LAMA5: variants seen among roughly 807,000 people sequenced by gnomAD.
LAMA5 encodes the protein laminin subunit alpha 5, also known as laminin subunit alpha-5.
LAMA5 carries 260 observed loss-of-function variants against 433.4 expected under a neutral mutation model. The observed-to-expected ratio is 0.60, with a 90% CI of 0.54 to 0.66. The LOEUF (loss-of-function observed/expected upper bound fraction) is 0.66, where lower values mean the gene tolerates loss of function less well. Ranked by LOEUF, LAMA5 falls within the 30% of genes least tolerant of loss-of-function variation. LAMA5 has a pLI of 0.00. For synonymous variants in LAMA5, 2,620 were observed against 2,226.6 expected, an observed-to-expected ratio of 1.18 and a Z score of -4.97; for missense variants, 5,378 against 5,258.5, an observed-to-expected ratio of 1.02 and a Z score of -0.70.
chr20:62,321,744 C>T lies in LAMA5; in HGVS notation c.6496+275G>A, dbSNP rs1213495260. 2.3e-4 allele frequency among the ~76,000 whole-genome samples: 9 copies of T among 38,964 alleles called. No homozygotes were observed. The South Asian group carries it at 5.1e-3, about 22-fold the overall frequency. 25.6% of individuals were successfully genotyped at this position (38,964 alleles called of 152,430 possible). A position where few individuals can be genotyped will look rare whatever the true frequency, so the allele number is the denominator to read the frequency against. On this transcript the variant is annotated intron_variant, in intron 48 of 79. Transcript: ENST00000252999. ...GGTGGGGTCAGTGGAGGGGTGGGGC[C>T]AGTGGAGGGGTGGGGTCAGTGGGGG... is the stretch of plus-strand genomic sequence containing the variant.
chr20:62,351,839 C>G, intron 5 of LAMA5, 38 bp from the exon 6 acceptor site: 5 of 1,582,540 alleles, frequency 3.2e-6, no homozygotes, highest in Non-Finnish European at 4.3e-6. Flanking sequence ...GGCGGCCAGG[C>G]CTCACTCACC....
chr20:62,346,305 G>T, intron 9 of LAMA5, 90 bp from the exon 10 acceptor site: 2 of 1,493,622 alleles, frequency 1.3e-6, no homozygotes, highest in South Asian at 1.2e-5. Flanking sequence ...TCCCCAGCCA[G>T]GGCCATGGGG....
chr20:62,328,945 G>A lies in LAMA5; in HGVS notation c.4346C>T (p.Thr1449Met), dbSNP rs779522800. 2.5e-5 allele frequency: 40 copies of A among 1,612,158 alleles called. No individual in the cohort carries two copies. Among genetic ancestry groups the A allele is most frequent in the South Asian group, 1.8e-4 (16 of 91,050 alleles). ...GCHEVGATGP[T>M]CEPFGGQCPC... ...ACACTGGCCCCCGAAGGGCTCACAC[G>A]TGGGGCCTGTAGCACCTACTTCGTG... The change falls in exon 34 of 80, where the codon ACG (threonine) becomes ATG (methionine). Residue 1449 changes from threonine to methionine, a missense_variant. Transcript: ENST00000252999.
chr20:62,362,707 C>T (rs1462186703), intron 1 of LAMA5, among the ~76,000 whole-genome samples, 155 bp from the exon 2 acceptor site: 1 of 152,220 alleles, frequency 6.6e-6, no homozygotes, highest in Non-Finnish European at 1.5e-5. Flanking sequence ...AGCAAACATG[C>T]GCCAAGCACC....
chr20:62,323,750 G>A (rs987234742), intron 44 of LAMA5, 26 bp downstream of exon 44: 1 of 1,602,950 alleles, frequency 6.2e-7, no homozygotes, highest in African/African-American at 1.3e-5. Context: ...CTCAGGCCCT[G>A]CCCCACTGCC....
chr20:62,345,766 C>T (rs1181654014), intron 11 of LAMA5, 52 bp downstream of exon 11: 1 of 1,332,174 alleles, frequency 7.5e-7, no homozygotes, highest in Non-Finnish European at 1.0e-6. Context: ...TGTGAAGCCG[C>T]CCCCATGGCT....
chr20:62,340,862 C>T (rs1429126791), intron 11 of LAMA5, among the ~76,000 whole-genome samples: 1 of 151,426 alleles, frequency 6.6e-6, no homozygotes, highest in African/African-American at 2.4e-5. Flanking sequence ...TGGTAAAACC[C>T]CATCTCTACT....
At chr20:62,353,007 A>G in intron 3 of LAMA5, 127 bp downstream of exon 3, 1 of 675,618 alleles carries the variant, frequency 1.5e-6, no homozygotes, top group Non-Finnish European at 2.5e-6. Context: ...TCTGACAGTC[A>G]TGACCGCAGC....
At position 62,309,236 on chromosome 20, in the gene LAMA5, C is replaced by T; in HGVS notation, c.*100G>A. 1 of 1,166,434 alleles carries T rather than the reference C, an allele frequency of 8.6e-7. No homozygotes were observed. The highest frequency in any genetic ancestry group is 1.5e-5 in the South Asian group (1 of 66,140). The allele number at this position is 1,166,434 out of a possible 1,614,324, so 72.3% of individuals were successfully genotyped here. The stretch of plus-strand genomic sequence containing the variant: ...CATCTTCAGAAACAAGATCTGTCAC[C>T]CGTAGAGCTTAGAGTCCAAATAGAC... On this transcript the variant is annotated 3_prime_UTR_variant, in exon 80 of 80. Transcript: ENST00000252999.
chr20:62,331,443 C>T (rs1359573504), intron 28 of LAMA5, among the ~76,000 whole-genome samples: 5 of 152,118 alleles, frequency 3.3e-5, no homozygotes, highest in African/African-American at 9.7e-5. Context: ...AAACCCCAAC[C>T]GCAGACCAGC....
Position 62,324,310 on chromosome 20 carries a change from T to C in LAMA5, c.5644-106A>G. 2 of 1,479,260 alleles carry C rather than the reference T, an allele frequency of 1.4e-6. No individual in the cohort carries two copies. Among genetic ancestry groups the C allele is most frequent in the Non-Finnish European group, 1.8e-6 (2 of 1,089,620 alleles). 91.6% of individuals were successfully genotyped at this position (1,479,260 alleles called of 1,614,324 possible). On this transcript the variant is annotated intron_variant, in intron 42 of 79. Transcript: ENST00000252999. This position sits in a 1 kb window ranked among gnomAD's most constrained non-coding sequence, Gnocchi z 4.4. ...CTCAGACTCTGTGCCCAAGGCCAGATGGTCCCCCACTGGGCAACACCCTTC... is the reference window on the plus strand; with the variant it reads ...CTCAGACTCTGTGCCCAAGGCCAGACGGTCCCCCACTGGGCAACACCCTTC...
At chr20:62,363,378 C>T (rs1405234130) in intron 1 of LAMA5, among the ~76,000 whole-genome samples, 2 of 152,196 alleles carry the variant, frequency 1.3e-5, no homozygotes, top group Non-Finnish European at 2.9e-5. Context: ...TGCCTGGGGC[C>T]ACCGTGAGGA....
intron 48 of LAMA5, among the ~76,000 whole-genome samples, chr20:62,321,752 G>GGGTGGGGCCAGTGGAGT (rs1987832807): frequency 6.9e-6 from 1 of 143,910 alleles, no homozygotes; most frequent in African/African-American, 2.6e-5. Context: ...GCCAGTGGAG[G>GGGTGGGGCCAGTGGAGT]GGTGGGGTCA....
intron 40 of LAMA5, 87 bp from the exon 41 acceptor site, chr20:62,325,633 G>T: frequency 3.5e-6 from 3 of 855,248 alleles, no homozygotes. Context: ...CCCTGTAGGG[G>T]ATGGAGGGGC....
chr20:62,327,493 C>T, intron 37 of LAMA5, 36 bp downstream of exon 37: 1 of 1,611,388 alleles, frequency 6.2e-7, no homozygotes, highest in Non-Finnish European at 8.5e-7. Context: ...CTAAGACCTC[C>T]CCGAGAAGGC....
chr20:62,338,334 G>C lies in LAMA5; in HGVS notation c.1654C>G (p.Arg552Gly). The C allele has an allele frequency of 6.2e-7, 1 of 1,608,834 alleles. No individual in the cohort carries two copies. Among genetic ancestry groups the C allele is most frequent in the South Asian group, 1.1e-5 (1 of 90,404 alleles). ...CACTGGCCTGTGTCAGGGTCACAGCGGTCATCGGCCACTCCAGGGCTGGAA... is the reference window on the plus strand; with the variant it reads ...CACTGGCCTGTGTCAGGGTCACAGCCGTCATCGGCCACTCCAGGGCTGGAA... Reference protein sequence around the residue: ...QCSSPGVADDRCDPDTGQCRC... With the variant: ...QCSSPGVADDGCDPDTGQCRC... The change falls in exon 13 of 80, where the codon CGC becomes GGC. Residue 552 changes from arginine to glycine, a missense_variant. Transcript: ENST00000252999.
Position 62,309,437 on chromosome 20 carries a change from C to T in LAMA5, c.10987G>A (p.Gly3663Ser), listed in dbSNP as rs1251974076. 9 of 1,584,210 alleles carry T rather than the reference C, an allele frequency of 5.7e-6. No individual in the cohort carries two copies. Among genetic ancestry groups the T allele is most frequent in the South Asian group, 3.4e-5 (3 of 87,898 alleles). ...TTCACCGCCAGCCTCCTCATGCAGC[C>T]GCAGTAGGCGGGGGGCCAGGGCTGC... ...AVQPWPPAYC[G>S]CMRRLAVNRS... Residue 3663 changes from glycine (G) to serine (S), a missense_variant, in exon 80 of 80, where the codon GGC (glycine) becomes AGC (serine). By Grantham distance (56) the Gly-to-Ser change is moderately conservative. Coordinates refer to ENST00000252999, the MANE Select transcript of LAMA5 (RefSeq NM_005560.6).
At chr20:62,341,133 A>G (rs1342746483) in intron 11 of LAMA5, among the ~76,000 whole-genome samples, 1 of 152,150 alleles carries the variant, frequency 6.6e-6, no homozygotes, top group East Asian at 1.9e-4. Flanking sequence ...AGAAAATCTC[A>G]AATTCCAAAG....
At chr20:62,364,301 C>G (rs768733031) in intron 1 of LAMA5, among the ~76,000 whole-genome samples, 32 of 152,200 alleles carry the variant, frequency 2.1e-4, no homozygotes, top group Non-Finnish European at 5.9e-5. Flanking sequence ...CGCCCTCTGG[C>G]TGGGACAGCC....
Sources: gnomAD v4.1 joint callset for allele counts (sites outside exome capture counted in the v4.1 genomes callset) on GRCh38, gnomAD v4.1.1 for gene constraint, Gnocchi (gnomAD v3.1) non-coding constraint, MANE v1.5 for transcripts, NCBI Gene and HGNC (gene_info 2026-07-23, HGNC 2026-07-21) for gene names.